Variants in CLOCK observed in about 807,000 individuals in gnomAD.
CLOCK encodes clock circadian regulator.
In CLOCK, 43 loss-of-function variants were observed where a neutral mutation model predicts 118.4. The ratio of observed to expected loss-of-function variants is 0.36; its 90% CI spans 0.28 to 0.47. The LOEUF (loss-of-function observed/expected upper bound fraction) is 0.47, where lower values mean the gene tolerates loss of function less well. CLOCK is among the 20% of genes least tolerant of loss of function. CLOCK has a pLI of 1.00. For synonymous variants in CLOCK, 326 were observed against 339.2 expected, an observed-to-expected ratio of 0.96 and a Z score of 0.43; for missense variants, 846 against 999.9, an observed-to-expected ratio of 0.85 and a Z score of 2.08.
chr4:55,439,031 C>T (rs192529124), intron 21 of CLOCK, among the ~76,000 whole-genome samples: 5 of 152,268 alleles, frequency 3.3e-5, no homozygotes, highest in Non-Finnish European at 7.4e-5. Context: ...AATTAAAAAT[C>T]TTGTGAATCA....
At chr4:55,438,152 G>T in intron 22 of CLOCK, 130 bp downstream of exon 22, 1 of 1,202,128 alleles carries the variant, frequency 8.3e-7, no homozygotes. Flanking sequence ...TTCTATCTTT[G>T]TAGAGATTTA....
At chr4:55,513,817 T>C (rs1163499998) in intron 1 of CLOCK, among the ~76,000 whole-genome samples, 4 of 152,104 alleles carry the variant, frequency 2.6e-5, no homozygotes, top group African/African-American at 9.7e-5. Context: ...TTTGAAGTTT[T>C]CTTTGTACAT....
At position 55,443,808 on chromosome 4, in the gene CLOCK, G is replaced by A; in HGVS notation, c.1781C>T (p.Pro594Leu). The A allele has an allele frequency of 6.2e-7, 1 of 1,613,900 alleles. No individual in the cohort carries two copies. Among genetic ancestry groups the A allele is most frequent in the African/African-American group, 1.3e-5 (1 of 75,014 alleles). ...AACAACTTGGCCTTGCATATTTATA[G>A]GTGCAAGTTGCTGGATATTAGATGA... ...GNSSNIQQLA[P>L]INMQGQVVPT... The change falls in exon 20 of 23, where the codon CCT becomes CTT. Residue 594 changes from proline (P) to leucine (L), a missense_variant. This residue lies in a region of CLOCK where 520 missense variants were observed against 558.0 expected (regional missense o/e 0.93). Coordinates refer to ENST00000513440, the MANE Select transcript of CLOCK (RefSeq NM_004898.4).
chr4:55,478,807 A>C lies in CLOCK; in HGVS notation c.256+8T>G, dbSNP rs1283838996. 6.2e-7 allele frequency: 1 copy of C among 1,611,696 alleles called. No individual in the cohort carries two copies. Among genetic ancestry groups the C allele is most frequent in the African/African-American group, 1.3e-5 (1 of 74,856 alleles). ...AGTCTGTTCCATTTTACAGAGTTAA[A>C]AATTTACCTTTATGTTTTCGTAAAA... On this transcript the variant is annotated splice_region_variant and intron_variant, in intron 6 of 22. Transcript: ENST00000513440.
rs1722813293 is a variant in CLOCK at position 55,435,591 on chromosome 4, A to G, written c.2365T>C (p.Ser789Pro). ...GAGGGATTCCCATGGAGCAACCTAG[A>G]AGTCTAAAAAACAAATGGATTATGC... ...TQPPQQFLQTSRLLHGNPSTQ... is the reference protein window; with the variant it reads ...TQPPQQFLQTPRLLHGNPSTQ... Residue 789 changes from serine to proline, a missense_variant, in exon 23 of 23, where the codon TCT (serine) becomes CCT (proline). Around this residue, in one of 4 missense-constraint regions of CLOCK, gnomAD observed 520 missense variants for 558.0 expected, o/e 0.93. Coordinates refer to ENST00000513440, the MANE Select transcript of CLOCK (RefSeq NM_004898.4). 1 of 1,613,820 alleles carries G rather than the reference A, an allele frequency of 6.2e-7. No individual in the cohort carries two copies. Among genetic ancestry groups the G allele is most frequent in the Non-Finnish European group, 8.5e-7 (1 of 1,179,828 alleles).
chr4:55,445,768 T>C (rs1320285684), intron 18 of CLOCK, among the ~76,000 whole-genome samples: 1 of 151,110 alleles, frequency 6.6e-6, no homozygotes, highest in Non-Finnish European at 1.5e-5. Flanking sequence ...CATAAAAATG[T>C]ATTTTCTTGT....
At chr4:55,447,628 T>A (rs1183908941) in intron 18 of CLOCK, among the ~76,000 whole-genome samples, 1 of 152,194 alleles carries the variant, frequency 6.6e-6, no homozygotes, top group Non-Finnish European at 1.5e-5. Flanking sequence ...ATAGTAGGTA[T>A]CCTTTATTTC....
At chr4:55,460,814 AATCT>A (rs1482464697) in intron 9 of CLOCK, among the ~76,000 whole-genome samples, 1 of 152,112 alleles carries the variant, frequency 6.6e-6, no homozygotes, top group Non-Finnish European at 1.5e-5. Flanking sequence ...AATCAGTAAA[AATCT>A]ATCTATCTTC....
chr4:55,498,522 T>C (rs1728229348), intron 2 of CLOCK, among the ~76,000 whole-genome samples: 1 of 152,090 alleles, frequency 6.6e-6, no homozygotes, highest in African/African-American at 2.4e-5. Context: ...ATATAATTTA[T>C]ACATATGTTA....
intron 7 of CLOCK, among the ~76,000 whole-genome samples, chr4:55,472,758 G>T (rs936530689): frequency 2.6e-5 from 4 of 151,220 alleles, no homozygotes; most frequent in Non-Finnish European, 5.9e-5. Flanking sequence ...TTGGGAAAGA[G>T]ATCTGGATAT....
Position 55,546,872 on chromosome 4 carries a change from C to A in CLOCK, c.-380G>T, listed in dbSNP as rs936298686. ...TTAAACCGGCAGCCGCAAGCCGAGTCCGTGATTGCGCCCCCTCCCGGCGCA... is the reference window on the plus strand; with the variant it reads ...TTAAACCGGCAGCCGCAAGCCGAGTACGTGATTGCGCCCCCTCCCGGCGCA... On this transcript the variant is annotated 5_prime_UTR_variant, in exon 1 of 23. Transcript: ENST00000513440. The A allele has an allele frequency of 6.6e-6, 1 of 152,168 alleles. No individual in the cohort carries two copies. The highest frequency in any genetic ancestry group is 1.5e-5 in the Non-Finnish European group (1 of 68,038). The allele number at this position is 152,168 out of a possible 1,614,324, so 9.4% of individuals were successfully genotyped here. A position where few individuals can be genotyped will look rare whatever the true frequency, so the allele number is the denominator to read the frequency against.
intron 13 of CLOCK, 90 bp from the exon 14 acceptor site, chr4:55,453,914 T>G: frequency 1.1e-6 from 1 of 941,380 alleles, no homozygotes; most frequent in Admixed American, 2.5e-5. Context: ...CATTTAAGTT[T>G]ACACATACTA....
At chr4:55,513,760 A>G (rs1729310569) in intron 1 of CLOCK, among the ~76,000 whole-genome samples, 1 of 152,122 alleles carries the variant, frequency 6.6e-6, no homozygotes, top group Non-Finnish European at 1.5e-5. Context: ...TTGTTAATAT[A>G]GTCTTCCTAT....
Position 55,478,879 on chromosome 4 carries a change from A to G in CLOCK, c.192T>C (p.Asn64=), listed in dbSNP as rs1405441965. The change falls in exon 6 of 23, where the codon AAT becomes AAC. Residue 64 remains asparagine, a synonymous_variant. Coordinates refer to ENST00000513440, the MANE Select transcript of CLOCK (RefSeq NM_004898.4). ...CAGTAGATTTGTCCATCTTTCTAGC[A>G]TTACCAGGAAGCATGGATCCCAGTT... is the stretch of plus-strand genomic sequence containing the variant. ...IKELGSMLPG[N]ARKMDKSTVL... is the part of the protein sequence containing the mutation. 1 of 1,612,330 alleles carries G rather than the reference A, an allele frequency of 6.2e-7. No individual in the cohort carries two copies. Among genetic ancestry groups the G allele is most frequent in the African/African-American group, 1.3e-5 (1 of 74,884 alleles).
chr4:55,456,159 A>C, intron 12 of CLOCK, 59 bp downstream of exon 12: 1 of 1,397,468 alleles, frequency 7.2e-7, no homozygotes, highest in Non-Finnish European at 1.0e-6. Context: ...TGATCCATTA[A>C]TTTCAAGAAT....
In CLOCK at chr4:55,459,290, A is replaced by G. The variant is rs371627465; in HGVS notation, c.560-29T>C. ...AAATAAAAGAGATTTTAAAAATCAC[A>G]TATTTCTGATATAAAACAATGATTG... On this transcript the variant is annotated intron_variant, in intron 9 of 22. Transcript: ENST00000513440. The G allele has an allele frequency of 2.7e-5, 34 of 1,275,584 alleles. 1 individual carries two copies. Among genetic ancestry groups the G allele is most frequent in the African/African-American group, 2.5e-4 (17 of 68,172 alleles). The allele number at this position is 1,275,584 out of a possible 1,614,324, so 79.0% of individuals were successfully genotyped here. A position where few individuals can be genotyped will look rare whatever the true frequency, so the allele number is the denominator to read the frequency against.
intron 8 of CLOCK, among the ~76,000 whole-genome samples, chr4:55,470,101 T>C (rs1407716574): frequency 1.3e-5 from 2 of 152,338 alleles, no homozygotes; most frequent in East Asian, 3.9e-4. Flanking sequence ...GTAGCCTAAG[T>C]GTACAGTGTT....
chr4:55,499,883 C>T (rs945908614), intron 2 of CLOCK, among the ~76,000 whole-genome samples: 3 of 152,152 alleles, frequency 2.0e-5, no homozygotes, highest in Non-Finnish European at 4.4e-5. Flanking sequence ...GGGAATCTCC[C>T]CCCAAACTAG....
chr4:55,459,235 G>A lies in CLOCK; in HGVS notation c.586C>T (p.His196Tyr). ...GGGTCTATTGTTCCTCGCAGCATGT[G>A]ACAACAGAATTCTAACTGATTTTTT... The part of the protein sequence containing the change: ...KSKNQLEFCC[H>Y]MLRGTIDPKE... The change falls in exon 10 of 23, where the codon CAC becomes TAC. Residue 196 changes from histidine to tyrosine, a missense_variant. Around this residue, in one of 4 missense-constraint regions of CLOCK, gnomAD observed 246 missense variants for 300.2 expected, o/e 0.82. Transcript: ENST00000513440. 6.2e-7 allele frequency: 1 copy of A among 1,610,516 alleles called. No homozygotes were observed. Among genetic ancestry groups the A allele is most frequent in the South Asian group, 1.1e-5 (1 of 90,950 alleles).
Sources: gnomAD v4.1 joint callset for allele counts (sites outside exome capture counted in the v4.1 genomes callset) on GRCh38, gnomAD v4.1.1 for gene constraint, gnomAD v4.1.1 regional missense constraint, MANE v1.5 for transcripts, NCBI Gene and HGNC (gene_info 2026-07-23, HGNC 2026-07-21) for gene names.